Variants in TBC1D22A observed in about 807,000 individuals in gnomAD.
The protein encoded by TBC1D22A is putative GTPase activator.
TBC1D22A carries 38 observed loss-of-function variants against 60.2 expected under a neutral mutation model. The ratio of observed to expected loss-of-function variants is 0.63; its 90% CI spans 0.49 to 0.83. The LOEUF (loss-of-function observed/expected upper bound fraction) is 0.83. Ranked by LOEUF, TBC1D22A falls within the 40% of genes least tolerant of loss-of-function variation. The pLI, the probability that TBC1D22A is intolerant of heterozygous loss-of-function variation, is 0.00. For synonymous variants in TBC1D22A, 302 were observed against 281.7 expected (o/e 1.07, Z -0.72); for missense variants, 628 against 701.0 (o/e 0.90, Z 1.18).
At chr22:46,782,091 G>A (rs940887480) in intron 1 of TBC1D22A, among the ~76,000 whole-genome samples, 5 of 152,228 alleles carry the variant, frequency 3.3e-5, no homozygotes, top group African/African-American at 1.2e-4. Context: ...GTCTCACTCT[G>A]TCGCCTAGGC....
intron 4 of TBC1D22A, among the ~76,000 whole-genome samples, chr22:46,860,653 A>G (rs2087821736): frequency 6.6e-6 from 1 of 151,352 alleles, no homozygotes; most frequent in Non-Finnish European, 1.5e-5. Flanking sequence ...CGGAACCAGA[A>G]TCCTTTTCGA....
intron 11 of TBC1D22A, among the ~76,000 whole-genome samples, chr22:47,052,576 A>G (rs913583717): frequency 6.6e-6 from 1 of 152,174 alleles, no homozygotes; most frequent in Admixed American, 6.5e-5. Context: ...TGCCCAGGCC[A>G]TTGCCTGCCA....
At chr22:46,799,019 G>A (rs1190176183) in intron 4 of TBC1D22A, among the ~76,000 whole-genome samples, 1 of 144,276 alleles carries the variant, frequency 6.9e-6, no homozygotes, top group East Asian at 2.1e-4. Flanking sequence ...AGAGTGGGTG[G>A]TTGTTTCTTC....
intron 4 of TBC1D22A, among the ~76,000 whole-genome samples, chr22:46,848,137 T>C (rs1173988564): frequency 2.0e-5 from 3 of 152,258 alleles, no homozygotes; most frequent in African/African-American, 4.8e-5. Context: ...AAGTTTTTGC[T>C]CATTAAGAGC....
intron 12 of TBC1D22A, among the ~76,000 whole-genome samples, chr22:47,125,991 T>G (rs1184260133): frequency 7.0e-6 from 1 of 143,336 alleles, no homozygotes; most frequent in Non-Finnish European, 1.5e-5. Flanking sequence ...TTGTTTTTTG[T>G]TTTTTTTTGA....
chr22:46,866,149 G>C (rs1476975879), intron 4 of TBC1D22A, among the ~76,000 whole-genome samples: 11 of 152,146 alleles, frequency 7.2e-5, no homozygotes, highest in Admixed American at 7.2e-4. Flanking sequence ...CTGTCACCCA[G>C]GCTGCAGTGC....
intron 12 of TBC1D22A, among the ~76,000 whole-genome samples, chr22:47,114,237 G>A (rs1476261571): frequency 2.0e-5 from 3 of 151,028 alleles, no homozygotes; most frequent in Admixed American, 6.6e-5. Flanking sequence ...AAGCCACACG[G>A]CCAGGGTGTG....
chr22:46,888,053 G>T (rs1165788457), intron 5 of TBC1D22A, among the ~76,000 whole-genome samples: 1 of 152,214 alleles, frequency 6.6e-6, no homozygotes, highest in Non-Finnish European at 1.5e-5. Flanking sequence ...TGGACCTGTA[G>T]CTTGTGATTC....
chr22:47,123,525 G>A (rs1385841409), intron 12 of TBC1D22A, among the ~76,000 whole-genome samples: 1 of 152,198 alleles, frequency 6.6e-6, no homozygotes, highest in Admixed American at 6.5e-5. Flanking sequence ...CATTTAGTGA[G>A]TCCGTCAGGC....
chr22:46,871,287 C>T lies in TBC1D22A; in HGVS notation c.638-7366C>T, dbSNP rs188964874. The stretch of plus-strand genomic sequence containing the variant: ...CTAGGCAGAAAATTTAACAGCCCTC[C>T]GTGAGTAATTGATACAACAGGTAAA... On this transcript the variant is annotated intron_variant, in intron 4 of 12. Transcript: ENST00000337137. 7.9e-4 allele frequency among the ~76,000 whole-genome samples: 120 copies of T among 152,222 alleles called. 1 individual carries two copies. Among genetic ancestry groups the T allele is most frequent in the Admixed American group, 7.2e-3 (110 of 15,296 alleles).
intron 11 of TBC1D22A, among the ~76,000 whole-genome samples, chr22:47,061,879 A>T (rs1215263589): frequency 1.3e-5 from 2 of 152,070 alleles, no homozygotes; most frequent in Non-Finnish European, 2.9e-5. Context: ...CTTGAGGTCC[A>T]GAGTTCGAGA....
intron 4 of TBC1D22A, among the ~76,000 whole-genome samples, chr22:46,822,480 T>G (rs2147103292): frequency 6.6e-6 from 1 of 152,312 alleles, no homozygotes. Context: ...TTGTTTTTCT[T>G]GCAATAGTCA....
chr22:46,926,883 CAATG>C (rs1319857557), intron 8 of TBC1D22A, among the ~76,000 whole-genome samples: 1 of 152,106 alleles, frequency 6.6e-6, no homozygotes, highest in African/African-American at 2.4e-5. Context: ...TTAAAATTAA[CAATG>C]AACTAATTTT....
At chr22:46,903,333 T>C (rs1040502815) in intron 7 of TBC1D22A, among the ~76,000 whole-genome samples, 2 of 152,198 alleles carry the variant, frequency 1.3e-5, no homozygotes, top group Admixed American at 6.5e-5. Context: ...CGGGGGCGTC[T>C]GTACTCGGGG....
chr22:47,065,642 A>C (rs2063733441), intron 11 of TBC1D22A, among the ~76,000 whole-genome samples: 3 of 152,246 alleles, frequency 2.0e-5, no homozygotes, highest in South Asian at 2.1e-4. Context: ...CGGAGTTGGG[A>C]CTGGGTTGGA....
chr22:47,034,915 G>T (rs2062606410), intron 10 of TBC1D22A, among the ~76,000 whole-genome samples: 1 of 152,154 alleles, frequency 6.6e-6, no homozygotes, highest in African/African-American at 2.4e-5. Flanking sequence ...CTCTTTGCTT[G>T]CAGCCGACTC....
intron 7 of TBC1D22A, among the ~76,000 whole-genome samples, chr22:46,909,848 A>C (rs924582206): frequency 5.3e-5 from 8 of 152,026 alleles, no homozygotes; most frequent in Non-Finnish European, 1.2e-4. Context: ...GGCTTGCTTC[A>C]CGCCCTAGGG....
intron 12 of TBC1D22A, among the ~76,000 whole-genome samples, chr22:47,156,453 G>A (rs1601703365): frequency 6.6e-6 from 1 of 152,162 alleles, no homozygotes; most frequent in Non-Finnish European, 1.5e-5. Context: ...CTGTCGCTAG[G>A]CTTCTTGAGC....
intron 4 of TBC1D22A, among the ~76,000 whole-genome samples, chr22:46,856,023 A>G (rs2087550240): frequency 6.6e-6 from 1 of 152,176 alleles, no homozygotes; most frequent in East Asian, 1.9e-4. Flanking sequence ...ACAGAAGGAA[A>G]GTGGACAGAG....
Sources: gnomAD v4.1 joint callset for allele counts (sites outside exome capture counted in the v4.1 genomes callset) on GRCh38, gnomAD v4.1.1 for gene constraint, MANE v1.5 for transcripts, NCBI Gene and HGNC (gene_info 2026-07-23, HGNC 2026-07-21) for gene names.